SEPTIN9: variants seen among roughly 807,000 people sequenced by gnomAD.
SEPTIN9 encodes the protein septin 9, also known as septin-9.
In SEPTIN9, 13 loss-of-function variants were observed where a neutral mutation model predicts 56.6. The observed-to-expected ratio is 0.23, with a 90% CI of 0.15 to 0.37. The LOEUF is 0.37. Among genes scored for constraint, SEPTIN9 ranks in the 10% least tolerant of loss-of-function variants. SEPTIN9 has a pLI of 1.00. For synonymous variants in SEPTIN9, 332 were observed against 334.1 expected, an observed-to-expected ratio of 0.99 and a Z score of 0.07; for missense variants, 650 against 823.1, an observed-to-expected ratio of 0.79 and a Z score of 2.57.
At chr17:77,332,900 AG>A (rs2033417580) in intron 2 of SEPTIN9, among the ~76,000 whole-genome samples, 1 of 152,174 alleles carries the variant, frequency 6.6e-6, no homozygotes, top group Admixed American at 6.5e-5. Flanking sequence ...TTCCATCTGG[AG>A]GCTCTTATGA....
Position 77,475,804 on chromosome 17 carries a change from C to T in SEPTIN9, c.722-6340C>T. 2 of 1,613,388 alleles carry T rather than the reference C, an allele frequency of 1.2e-6. No homozygotes were observed. Among genetic ancestry groups the T allele is most frequent in the East Asian group, 2.2e-5 (1 of 44,882 alleles). On this transcript the variant is annotated intron_variant, in intron 3 of 11. Transcript: ENST00000427177. This position sits in a 1 kb window ranked among gnomAD's most constrained non-coding sequence, Gnocchi z 4.6. ...GACAGGGTGTGGTGAGTGCCACCGG[C>T]TCCCCTGCCGTGGCCTGGTCAGTGG...
At chr17:77,379,610 G>A (rs558475051) in intron 2 of SEPTIN9, among the ~76,000 whole-genome samples, 18 of 152,224 alleles carry the variant, frequency 1.2e-4, no homozygotes, top group Non-Finnish European at 1.5e-5. Flanking sequence ...AGGCATCAGG[G>A]GAGGTCACAC....
chr17:77,471,839 C>T (rs988814553), intron 3 of SEPTIN9, among the ~76,000 whole-genome samples: 6 of 152,208 alleles, frequency 3.9e-5, no homozygotes, highest in African/African-American at 1.4e-4. Flanking sequence ...AGGGGCCGCT[C>T]CTGCTGGAAG....
At chr17:77,282,727 G>A (rs1421237233) in intron 1 of SEPTIN9, among the ~76,000 whole-genome samples, 1 of 152,236 alleles carries the variant, frequency 6.6e-6, no homozygotes, top group African/African-American at 2.4e-5. Context: ...CTACGCACCC[G>A]GAGCACAGCT....
rs554992702 is a variant in SEPTIN9 at position 77,310,656 on chromosome 17, C to T, written c.76+3459C>T. Reference sequence around the variant, plus strand: ...CTTCTAGATGTTACCACCACGCCCTCCCGAGTGGCCTTCTGGTAGGCTCTC... The same window carrying T: ...CTTCTAGATGTTACCACCACGCCCTTCCGAGTGGCCTTCTGGTAGGCTCTC... On this transcript the variant is annotated intron_variant, in intron 2 of 11. Transcript: ENST00000427177. This position sits in a 1 kb window ranked among gnomAD's most constrained non-coding sequence, Gnocchi z 4.7. Among the ~76,000 whole-genome samples, 1 of 152,324 alleles carries T rather than the reference C, an allele frequency of 6.6e-6. No individual in the cohort carries two copies. The highest frequency in any genetic ancestry group is 6.5e-5 in the Admixed American group (1 of 15,308).
At chr17:77,486,740 C>T (rs1001348365) in intron 4 of SEPTIN9, among the ~76,000 whole-genome samples, 3 of 152,144 alleles carry the variant, frequency 2.0e-5, no homozygotes, top group African/African-American at 7.2e-5. Context: ...TTGTCTCAGT[C>T]ACCTGTGGAC....
chr17:77,286,841 G>T (rs907824789), intron 1 of SEPTIN9, among the ~76,000 whole-genome samples: 1 of 152,212 alleles, frequency 6.6e-6, no homozygotes, highest in Admixed American at 6.5e-5. Flanking sequence ...TGGCTTTAGG[G>T]TAGGAGGGGC....
In SEPTIN9 at chr17:77,425,551, C is replaced by T. The variant is rs35270799; in HGVS notation, c.721+22848C>T. 4.5e-3 allele frequency among the ~76,000 whole-genome samples: 685 copies of T among 152,284 alleles called. 2 individuals are homozygous for T. The highest frequency in any genetic ancestry group is 8.1e-3 in the Non-Finnish European group (549 of 68,014). Reference sequence around the variant, plus strand: ...GAGCTGCAGCTGAGCTGGCGGGCCTCGCACACCCCCAAGGCCGCCTGACTT... The same window carrying T: ...GAGCTGCAGCTGAGCTGGCGGGCCTTGCACACCCCCAAGGCCGCCTGACTT... On this transcript the variant is annotated intron_variant, in intron 3 of 11. Transcript: ENST00000427177. This position sits in a 1 kb window ranked among gnomAD's most constrained non-coding sequence, Gnocchi z 4.2.
intron 2 of SEPTIN9, among the ~76,000 whole-genome samples, chr17:77,391,563 C>G (rs1484929882): frequency 2.6e-5 from 4 of 152,370 alleles, no homozygotes; most frequent in Non-Finnish European, 4.4e-5. Context: ...TTAATTACAT[C>G]TGCAAAGATC....
At chr17:77,410,794 C>T (rs945644509) in intron 3 of SEPTIN9, among the ~76,000 whole-genome samples, 1 of 152,242 alleles carries the variant, frequency 6.6e-6, no homozygotes, top group South Asian at 2.1e-4. Flanking sequence ...TGGGCAGCAC[C>T]TCATGCCATC....
At position 77,345,931 on chromosome 17, in the gene SEPTIN9, GTTGTTTTGTTTTGTT is replaced by G. The variant is rs10535531; in HGVS notation, c.76+38758_76+38772del. Among the ~76,000 whole-genome samples, 1,240 of 149,090 alleles carry G rather than the reference GTTGTTTTGTTTTGTT, an allele frequency of 8.3e-3. 4 individuals are homozygous for G. Among genetic ancestry groups the G allele is most frequent in the Middle Eastern group, 0.02 (6 of 294 alleles). On this transcript the variant is annotated intron_variant, in intron 2 of 11. Coordinates refer to ENST00000427177, the MANE Select transcript of SEPTIN9 (RefSeq NM_001113491.2). ...TTTTTCCAGATTCTTTGTTTTTTTTGTTGTTTTGTTTTGTTTTGTTTTGTTTTGTTTTGTTTTGAG... is the reference window on the plus strand; with the variant it reads ...TTTTTCCAGATTCTTTGTTTTTTTTGTTGTTTTGTTTTGTTTTGTTTTGAG...
chr17:77,373,974 C>A, intron 2 of SEPTIN9: 1 of 163,246 alleles, frequency 6.1e-6, no homozygotes, highest in East Asian at 1.7e-4. Context: ...GCTCTCGGGC[C>A]CCGCTTGGAC....
chr17:77,347,378 C>CA (rs374020168), intron 2 of SEPTIN9, among the ~76,000 whole-genome samples: 2,323 of 105,768 alleles, frequency 0.022, 65 homozygotes, highest in African/African-American at 0.066. Flanking sequence ...AACTCCGTCT[C>CA]AAAAAAAAAA....
At chr17:77,394,860 A>G (rs1018992001) in intron 2 of SEPTIN9, among the ~76,000 whole-genome samples, 10 of 152,254 alleles carry the variant, frequency 6.6e-5, no homozygotes, top group Admixed American at 4.6e-4. Context: ...CGACCCCGCC[A>G]TGGGCCTGGA....
chr17:77,475,613 G>C lies in SEPTIN9; in HGVS notation c.722-6531G>C. On this transcript the variant is annotated intron_variant, in intron 3 of 11. Transcript: ENST00000427177. The surrounding 1 kb of genome is among the most constrained non-coding windows in gnomAD (Gnocchi z 4.6). ...CTGGATTCAGGGGAGCCTGCAGAGGGAGGGCAGCTGGAGGCTGCTCCAGTG... is the reference window on the plus strand; with the variant it reads ...CTGGATTCAGGGGAGCCTGCAGAGGCAGGGCAGCTGGAGGCTGCTCCAGTG... 1 of 1,613,764 alleles carries C rather than the reference G, an allele frequency of 6.2e-7. No individual in the cohort carries two copies.
intron 1 of SEPTIN9, among the ~76,000 whole-genome samples, chr17:77,283,709 T>C (rs2031142250): frequency 6.6e-6 from 1 of 152,156 alleles, no homozygotes; most frequent in African/African-American, 2.4e-5. Context: ...CCGGTAGACC[T>C]GGTTTGAACA....
At chr17:77,363,247 G>A (rs1568014986) in intron 2 of SEPTIN9, among the ~76,000 whole-genome samples, 1 of 152,168 alleles carries the variant, frequency 6.6e-6, no homozygotes, top group Non-Finnish European at 1.5e-5. Flanking sequence ...AGGAGCTAGT[G>A]GGAGAAGGAA....
intron 2 of SEPTIN9, among the ~76,000 whole-genome samples, chr17:77,316,568 A>C (rs898458133): frequency 1.3e-5 from 2 of 152,108 alleles, no homozygotes; most frequent in African/African-American, 4.8e-5. Flanking sequence ...CCGGCCCCTC[A>C]CTCGGGGCTG....
At chr17:77,482,839 C>T (rs1289693184) in intron 4 of SEPTIN9, 5 of 460,892 alleles carry the variant, frequency 1.1e-5, no homozygotes, top group Admixed American at 3.6e-5. Context: ...GGGAGGTCGT[C>T]GATCAGCACG....
Sources: gnomAD v4.1 joint callset for allele counts (sites outside exome capture counted in the v4.1 genomes callset) on GRCh38, gnomAD v4.1.1 for gene constraint, Gnocchi (gnomAD v3.1) non-coding constraint, MANE v1.5 for transcripts, NCBI Gene and HGNC (gene_info 2026-07-23, HGNC 2026-07-21) for gene names.